Variants in SCNN1G observed in about 807,000 individuals in gnomAD.
SCNN1G encodes epithelial sodium channel subunit gamma.
Under a neutral mutation model 64.6 loss-of-function variants are expected in SCNN1G, and 27 were observed. The ratio of observed to expected loss-of-function variants is 0.42; its 90% CI spans 0.31 to 0.58. The LOEUF (loss-of-function observed/expected upper bound fraction) is 0.58, where lower values mean the gene tolerates loss of function less well. Among genes scored for constraint, SCNN1G ranks in the 20% least tolerant of loss-of-function variants. The pLI is 0.18. For missense variants in SCNN1G, 743 were observed against 823.4 expected, an observed-to-expected ratio of 0.90 and a Z score of 1.19; for synonymous variants, 330 against 314.2, an observed-to-expected ratio of 1.05 and a Z score of -0.53.
chr16:23,210,865 C>G (rs546360480), intron 7 of SCNN1G, among the ~76,000 whole-genome samples: 1 of 151,320 alleles, frequency 6.6e-6, no homozygotes, highest in East Asian at 1.9e-4. Flanking sequence ...GACCTTGCCT[C>G]TAAAAAAAAA....
intron 11 of SCNN1G, 89 bp downstream of exon 11, chr16:23,213,252 C>CTTTTTTA: frequency 3.7e-6 from 2 of 533,854 alleles, no homozygotes; most frequent in East Asian, 6.4e-5. Flanking sequence ...GCCAAATCCT[C>CTTTTTTA]TTTTTTTTTT....
At chr16:23,186,629 C>T (rs1443156249) in intron 2 of SCNN1G, 41 bp downstream of exon 2, 2 of 1,559,832 alleles carry the variant, frequency 1.3e-6, no homozygotes, top group African/African-American at 1.4e-5. Flanking sequence ...GGGAGCCAGG[C>T]CCCCCACAGA....
intron 6 of SCNN1G, among the ~76,000 whole-genome samples, chr16:23,206,525 G>A (rs12927470): frequency 0.19 from 28,564 of 152,070 alleles, 2,928 homozygotes; most frequent in Middle Eastern, 0.27. Flanking sequence ...TGAGGTGGGA[G>A]GATTACCTGA....
intron 11 of SCNN1G, 87 bp downstream of exon 11, chr16:23,213,250 C>CCCT: frequency 2.6e-6 from 2 of 771,268 alleles, no homozygotes; most frequent in African/African-American, 1.9e-5. Context: ...TGGCCAAATC[C>CCCT]TCTTTTTTTT....
intron 6 of SCNN1G, among the ~76,000 whole-genome samples, chr16:23,200,635 C>A (rs1959873483): frequency 6.6e-6 from 1 of 152,068 alleles, no homozygotes. Context: ...AGTCTAGAGT[C>A]CAGCAGAGAG....
chr16:23,186,084 T>C (rs755627446), intron 1 of SCNN1G, 144 bp from the exon 2 acceptor site: 91 of 639,848 alleles, frequency 1.4e-4, no homozygotes, highest in Non-Finnish European at 2.2e-4. Context: ...GGATTCAGAA[T>C]GCAAAGTGCC....
rs752680757 is a variant in SCNN1G, at chr16:23,215,260, T to C, written c.1741T>C (p.Cys581Arg). 80 of 1,614,040 alleles carry C rather than the reference T, an allele frequency of 5.0e-5. No homozygotes were observed. The highest frequency in any genetic ancestry group is 4.5e-5 in the Non-Finnish European group (53 of 1,180,022). The change falls in exon 13 of 13, where the codon TGT becomes CGT. Residue 581 changes from cysteine to arginine, a missense_variant. Coordinates refer to ENST00000300061, the MANE Select transcript of SCNN1G (RefSeq NM_001039.4). ...GTGGGCCTGGAAACAGGCTCCCCCA[T>C]GTCCAGAAGCTCCCCGTAGCCCACA... Reference protein sequence around the residue: ...EWWAWKQAPPCPEAPRSPQGQ... With the variant: ...EWWAWKQAPPRPEAPRSPQGQ...
intron 6 of SCNN1G, among the ~76,000 whole-genome samples, chr16:23,200,897 T>C (rs59653972): frequency 3.3e-5 from 5 of 152,044 alleles, no homozygotes; most frequent in Non-Finnish European, 5.9e-5. Context: ...TGGTGCCCCA[T>C]GAAAAGGACA....
chr16:23,215,609 T>A lies in SCNN1G; in HGVS notation c.*140T>A. 9.8e-7 allele frequency: 1 copy of A among 1,018,438 alleles called. No homozygotes were observed. Among genetic ancestry groups the A allele is most frequent in the Non-Finnish European group, 1.5e-6 (1 of 674,996 alleles). 63.1% of individuals were successfully genotyped at this position (1,018,438 alleles called of 1,614,324 possible). A position where few individuals can be genotyped will look rare whatever the true frequency, so the allele number is the denominator to read the frequency against. On this transcript the variant is annotated 3_prime_UTR_variant, in exon 13 of 13. Transcript: ENST00000300061. ...GATACTCTGACCAAAAAGCCTGCTT[T>A]AAACCGCAAGATGGGGCCTGGGCAT... is the stretch of plus-strand genomic sequence containing the variant.
intron 6 of SCNN1G, among the ~76,000 whole-genome samples, chr16:23,198,372 C>T (rs1161513271): frequency 3.3e-5 from 5 of 152,160 alleles, no homozygotes; most frequent in African/African-American, 9.7e-5. Context: ...GTTTGCAGGC[C>T]TGGGGTCTTT....
At position 23,189,653 on chromosome 16, in the gene SCNN1G, AGTG is replaced by A. The variant is rs780983333; in HGVS notation, c.605_607del (p.Val202del). ...ATGTCATGCACATCGAGTCCAAGCA[AGTG>A]GTGGGATTCCAACTGGTAAGATTTC... On this transcript the variant is annotated inframe_deletion, in exon 3 of 13. Transcript: ENST00000300061. 3 of 1,614,216 alleles carry A rather than the reference AGTG, an allele frequency of 1.9e-6. No individual in the cohort carries two copies. The East Asian group carries it at 6.7e-5, about 36-fold the overall frequency.
At chr16:23,204,764 T>C (rs1191248141) in intron 6 of SCNN1G, among the ~76,000 whole-genome samples, 1 of 152,128 alleles carries the variant, frequency 6.6e-6, no homozygotes, top group Non-Finnish European at 1.5e-5. Context: ...AGATACTAAA[T>C]TGAGTTTGCT....
intron 3 of SCNN1G, among the ~76,000 whole-genome samples, chr16:23,190,264 A>G (rs1959685936): frequency 6.6e-6 from 1 of 151,846 alleles, no homozygotes; most frequent in South Asian, 2.1e-4. Flanking sequence ...TTTTAAAAAA[A>G]GAAAGAAAGA....
In SCNN1G at chr16:23,192,440, A is replaced by T; in HGVS notation, c.707A>T (p.Asn236Ile). 1 of 1,613,950 alleles carries T rather than the reference A, an allele frequency of 6.2e-7. No homozygotes were observed. Among genetic ancestry groups the T allele is most frequent in the Non-Finnish European group, 8.5e-7 (1 of 1,179,928 alleles). ...GAGTGGTATAAGCTACACTACATGA[A>T]CATCATGGCACAGGTGCCTCTGGAG... is the stretch of plus-strand genomic sequence containing the variant. The part of the protein sequence containing the change: ...IQEWYKLHYM[N>I]IMAQVPLEKK... The change falls in exon 4 of 13, where the codon AAC becomes ATC. Residue 236 changes from asparagine to isoleucine, a missense_variant. Coordinates refer to ENST00000300061, the MANE Select transcript of SCNN1G (RefSeq NM_001039.4).
chr16:23,212,097 C>T lies in SCNN1G; in HGVS notation c.1240C>T (p.Gln414Ter). Residue 414 changes from glutamine to a stop codon, truncating the protein, a stop_gained, in exon 8 of 13, where the codon CAG (glutamine) becomes TAG (stop). Transcript: ENST00000300061. LOFTEE classifies it high-confidence loss of function. ...VEKCGCAQYSQPLPPAANYCN... is the reference protein window; with the variant it reads ...VEKCGCAQYS ...GAAATGTGGGTGTGCCCAGTACAGCCAGCCTCTACCTCCTGCAGCCAACTA... is the reference window on the plus strand; with the variant it reads ...GAAATGTGGGTGTGCCCAGTACAGCTAGCCTCTACCTCCTGCAGCCAACTA... 1 of 1,614,090 alleles carries T rather than the reference C, an allele frequency of 6.2e-7. No individual in the cohort carries two copies. Among genetic ancestry groups the T allele is most frequent in the Non-Finnish European group, 8.5e-7 (1 of 1,179,990 alleles).
In SCNN1G at chr16:23,197,565, C is replaced by A. The variant is rs182345364; in HGVS notation, c.1077+138C>A. 2.0e-5 allele frequency: 16 copies of A among 797,204 alleles called. No individual in the cohort carries two copies. The African/African-American group carries it at 2.5e-4, about 13-fold the overall frequency. The allele number at this position is 797,204 out of a possible 1,614,324, so 49.4% of individuals were successfully genotyped here. A position where few individuals can be genotyped will look rare whatever the true frequency, so the allele number is the denominator to read the frequency against. ...TGGTCCCAGATTTTCCCATGGTTAT[C>A]CCATTCATTTCAGGAGTTACATTAA... On this transcript the variant is annotated intron_variant, in intron 6 of 12. Coordinates refer to ENST00000300061, the MANE Select transcript of SCNN1G (RefSeq NM_001039.4).
chr16:23,184,480 A>G (rs941200456), intron 1 of SCNN1G, among the ~76,000 whole-genome samples: 12 of 152,092 alleles, frequency 7.9e-5, no homozygotes, highest in African/African-American at 2.7e-4. Flanking sequence ...AAGGATAGGC[A>G]ATATTTTAAG....
At chr16:23,198,571 AAACG>A (rs1179877986) in intron 6 of SCNN1G, among the ~76,000 whole-genome samples, 4 of 151,554 alleles carry the variant, frequency 2.6e-5, no homozygotes, top group South Asian at 2.1e-4. Context: ...TCTCTACCAA[AAACG>A]AAATACAAAA....
chr16:23,210,734 T>C lies in SCNN1G; in HGVS notation c.1176+886T>C, dbSNP rs532055240. 2.6e-5 allele frequency among the ~76,000 whole-genome samples: 4 copies of C among 152,244 alleles called. No individual in the cohort carries two copies. The East Asian group carries it at 7.7e-4, about 29-fold the overall frequency. Reference sequence around the variant, plus strand: ...GCTGAGAGGTGGTGTAGACACTGAGTAAAAGAGGACTTTTGGGCCAGGCAT... The same window carrying C: ...GCTGAGAGGTGGTGTAGACACTGAGCAAAAGAGGACTTTTGGGCCAGGCAT... On this transcript the variant is annotated intron_variant, in intron 7 of 12. Coordinates refer to ENST00000300061, the MANE Select transcript of SCNN1G (RefSeq NM_001039.4).
Sources: gnomAD v4.1 joint callset for allele counts (sites outside exome capture counted in the v4.1 genomes callset) on GRCh38, gnomAD v4.1.1 for gene constraint, MANE v1.5 for transcripts, NCBI Gene and HGNC (gene_info 2026-07-23, HGNC 2026-07-21) for gene names.